CARD10: variants seen among roughly 807,000 people sequenced by gnomAD.
The protein encoded by CARD10 is caspase recruitment domain-containing protein 10.
Under a neutral mutation model 114.6 loss-of-function variants are expected in CARD10, and 49 were observed. The ratio of observed to expected loss-of-function variants is 0.43; its 90% CI spans 0.34 to 0.54. The LOEUF (loss-of-function observed/expected upper bound fraction) is 0.54. CARD10 is among the 20% of genes least tolerant of loss of function. CARD10 has a pLI of 0.03. For synonymous variants in CARD10, 602 were observed against 593.2 expected (o/e 1.01, Z -0.21); for missense variants, 1,206 against 1,397.2 (o/e 0.86, Z 2.18).
chr22:37,495,598 A>C lies in CARD10; in HGVS notation c.2304-12T>G. 1 of 1,613,254 alleles carries C rather than the reference A, an allele frequency of 6.2e-7. No individual in the cohort carries two copies. Among genetic ancestry groups the C allele is most frequent in the Non-Finnish European group, 8.5e-7 (1 of 1,179,748 alleles). On this transcript the variant is annotated splice_polypyrimidine_tract_variant and intron_variant, in intron 14 of 19. Coordinates refer to ENST00000251973, the MANE Select transcript of CARD10 (RefSeq NM_014550.4). ...GGAGCTGCTGGGCTCTGTGGGAGGG[A>C]GTGACATCATGTGTGTAGAAAGAAG...
Position 37,491,642 on chromosome 22 carries a change from G to A in CARD10, c.2864+113C>T, listed in dbSNP as rs1375425472. The A allele has an allele frequency of 1.3e-3, 692 of 537,050 alleles. 1 individual carries two copies. Among genetic ancestry groups the A allele is most frequent in the Middle Eastern group, 1.8e-3 (4 of 2,164 alleles). 33.3% of individuals were successfully genotyped at this position (537,050 alleles called of 1,614,324 possible). A position where few individuals can be genotyped will look rare whatever the true frequency, so the allele number is the denominator to read the frequency against. ...AGGGAGAGAGGGGGAAGGAGAGAGA[G>A]GGGGAGGGAGAAAGAGGGGGAGGGA... On this transcript the variant is annotated intron_variant, in intron 19 of 19. Coordinates refer to ENST00000251973, the MANE Select transcript of CARD10 (RefSeq NM_014550.4).
In CARD10 at chr22:37,509,584, C is replaced by G. The variant is rs77685373; in HGVS notation, c.909+628G>C. On this transcript the variant is annotated intron_variant, in intron 4 of 19. Coordinates refer to ENST00000251973, the MANE Select transcript of CARD10 (RefSeq NM_014550.4). Reference sequence around the variant, plus strand: ...GTTTTCCGGGTCTGACCCCCACCCCCACTCCATGTCCACGAGCCCTGGCCC... The same window carrying G: ...GTTTTCCGGGTCTGACCCCCACCCCGACTCCATGTCCACGAGCCCTGGCCC... 6.0e-3 allele frequency among the ~76,000 whole-genome samples: 914 copies of G among 152,118 alleles called. 4 individuals carry two copies. Among genetic ancestry groups the G allele is most frequent in the Middle Eastern group, 0.017 (5 of 294 alleles).
chr22:37,499,280 G>A (rs560426402), intron 11 of CARD10, among the ~76,000 whole-genome samples: 14 of 151,918 alleles, frequency 9.2e-5, no homozygotes, highest in African/African-American at 3.4e-4. Flanking sequence ...CTGGCTACTC[G>A]CTGAGTTTAG....
In CARD10 at chr22:37,513,150, G is replaced by A. The variant is rs201667057; in HGVS notation, c.700-2729C>T. Among the ~76,000 whole-genome samples the A allele has an allele frequency of 7.7e-4, 117 of 151,990 alleles. 1 individual carries two copies. The East Asian group carries it at 9.7e-3, about 13-fold the overall frequency. ...TTTTGAGACAGAGTCTCGCTGTGTC[G>A]CCCAAGCTGGAGTGCAGTGGCTCAA... On this transcript the variant is annotated intron_variant, in intron 3 of 19. Transcript: ENST00000251973.
intron 4 of CARD10, chr22:37,508,950 C>G (rs932326): frequency 0.54 from 829,599 of 1,525,844 alleles, 229,253 homozygotes; most frequent in African/African-American, 0.82. Flanking sequence ...GACAAGTTCA[C>G]CCAGGATTAT....
chr22:37,496,731 G>A lies in CARD10; in HGVS notation c.1948-171C>T, dbSNP rs1443772184. 9.3e-6 allele frequency: 6 copies of A among 641,980 alleles called. No individual in the cohort carries two copies. The highest frequency in any genetic ancestry group is 1.9e-5 in the South Asian group (1 of 53,806). 39.8% of individuals were successfully genotyped at this position (641,980 alleles called of 1,614,324 possible). On this transcript the variant is annotated intron_variant, in intron 12 of 19. Transcript: ENST00000251973. The surrounding 1 kb of genome is among the most constrained non-coding windows in gnomAD (Gnocchi z 4.1). ...TCAGACCCGTCCCCATCCACAGGAC[G>A]CCCCCATCCACAGGACTCCCCAACC... is the stretch of plus-strand genomic sequence containing the variant.
rs1052840946 is a variant in CARD10, at chr22:37,490,983, G to T, written c.*176C>A. 6.7e-6 allele frequency: 4 copies of T among 597,116 alleles called. No homozygotes were observed. The highest frequency in any genetic ancestry group is 1.2e-5 in the Non-Finnish European group (4 of 337,582). 37.0% of individuals were successfully genotyped at this position (597,116 alleles called of 1,614,324 possible). A position where few individuals can be genotyped will look rare whatever the true frequency, so the allele number is the denominator to read the frequency against. On this transcript the variant is annotated 3_prime_UTR_variant, in exon 20 of 20. Coordinates refer to ENST00000251973, the MANE Select transcript of CARD10 (RefSeq NM_014550.4). ...GAGGGGAGTGGGCACTCTGTCCCGG[G>T]ACTCCCATAGGCTCGGCAGGGCCAG...
rs1376178288 is a variant in CARD10, at chr22:37,491,157, C to A, written c.*2G>T. ...GGAGAAGGTGCAGGTATCAGATGAG[C>A]CTCAGGCCTCACTGCTGCTGGGGCA... On this transcript the variant is annotated 3_prime_UTR_variant, in exon 20 of 20. Coordinates refer to ENST00000251973, the MANE Select transcript of CARD10 (RefSeq NM_014550.4). 1.3e-6 allele frequency: 2 copies of A among 1,551,552 alleles called. No homozygotes were observed. Among genetic ancestry groups the A allele is most frequent in the Non-Finnish European group, 8.7e-7 (1 of 1,148,166 alleles).
chr22:37,504,906 A>G (rs1055714874), intron 7 of CARD10, 137 bp from the exon 8 acceptor site: 18 of 441,398 alleles, frequency 4.1e-5, no homozygotes, highest in African/African-American at 3.7e-4. Flanking sequence ...AGAATGGGAG[A>G]TAAACTGTAA....
intron 3 of CARD10, among the ~76,000 whole-genome samples, chr22:37,513,861 G>A (rs1037643226): frequency 6.6e-6 from 1 of 152,112 alleles, no homozygotes; most frequent in African/African-American, 2.4e-5. Context: ...CACTTTGGGA[G>A]GCTGAGGCGG....
rs200284070 is a variant in CARD10, at chr22:37,494,140, C to T, written c.2422G>A (p.Val808Met). ...DQLRLVRPKP[V>M]GAPAGDSPDQ... ...GGGGAGTCCCCTGCAGGCGCCCCCA[C>T]GGGCTTGGGCCTCACCAGCCGCAGC... The change falls in exon 16 of 20, where the codon GTG becomes ATG. Residue 808 changes from valine to methionine, a missense_variant. By Grantham distance (21) the Val-to-Met change is conservative. Around this residue, in one of 2 missense-constraint regions of CARD10, gnomAD observed 1,068 missense variants for 1,179.1 expected, o/e 0.91. Coordinates refer to ENST00000251973, the MANE Select transcript of CARD10 (RefSeq NM_014550.4). 591 of 1,559,776 alleles carry T rather than the reference C, an allele frequency of 3.8e-4. 3 individuals are homozygous for T. In the South Asian group the frequency reaches 4.1e-3, roughly 11 times the overall value.
Position 37,496,838 on chromosome 22 carries a change from C to G in CARD10, c.1947+181G>C. The G allele has an allele frequency of 3.9e-6, 3 of 765,552 alleles. No homozygotes were observed. The highest frequency in any genetic ancestry group is 6.4e-6 in the Non-Finnish European group (3 of 470,568). 47.4% of individuals were successfully genotyped at this position (765,552 alleles called of 1,614,324 possible). On this transcript the variant is annotated intron_variant, in intron 12 of 19. Coordinates refer to ENST00000251973, the MANE Select transcript of CARD10 (RefSeq NM_014550.4). This position sits in a 1 kb window ranked among gnomAD's most constrained non-coding sequence, Gnocchi z 4.1. ...AGTTGGCTCCACCTCCCAGTCCCTG[C>G]CCAATCAGACTTCAATTAAGCCTGG...
In CARD10 at chr22:37,491,266, C is replaced by T; in HGVS notation, c.2992G>A (p.Glu998Lys). The T allele has an allele frequency of 6.4e-7, 1 of 1,569,166 alleles. No homozygotes were observed. The highest frequency in any genetic ancestry group is 1.3e-5 in the African/African-American group (1 of 74,384). The change falls in exon 20 of 20, where the codon GAG becomes AAG. Residue 998 changes from glutamate to lysine, a missense_variant. This residue lies in a region of CARD10 where 1,068 missense variants were observed against 1,179.1 expected (regional missense o/e 0.91). Transcript: ENST00000251973. ...CCGCGCACCACCTTGGCCAGCTCCT[C>T]TGCGTGTCCCCACTCATGGGCGGGC... is the stretch of plus-strand genomic sequence containing the variant. ...QVPAHEWGHA[E>K]ELAKVVRGRI...
At chr22:37,502,806 T>C (rs1001988498) in intron 10 of CARD10, 81 bp from the exon 11 acceptor site, 5 of 1,499,562 alleles carry the variant, frequency 3.3e-6, no homozygotes, top group Non-Finnish European at 4.5e-6. Flanking sequence ...CTGACCCCCC[T>C]CCAGCCCAGA....
intron 11 of CARD10, among the ~76,000 whole-genome samples, chr22:37,500,916 A>C (rs1024201828): frequency 2.0e-5 from 3 of 152,140 alleles, no homozygotes; most frequent in Middle Eastern, 3.2e-3. Flanking sequence ...TAGTGACCCT[A>C]AGGGACAGGC....
chr22:37,494,369 C>A, intron 15 of CARD10, 181 bp from the exon 16 acceptor site: 1 of 599,216 alleles, frequency 1.7e-6, no homozygotes, highest in Non-Finnish European at 3.0e-6. Context: ...CTCCCCAGCC[C>A]AGCACAGTCC....
Position 37,496,932 on chromosome 22 carries a change from G to A in CARD10, c.1947+87C>T, listed in dbSNP as rs149096784. The A allele has an allele frequency of 6.5e-5, 93 of 1,429,510 alleles. No individual in the cohort carries two copies. The African/African-American group carries it at 8.0e-4, about 12-fold the overall frequency. The allele number at this position is 1,429,510 out of a possible 1,614,324, so 88.6% of individuals were successfully genotyped here. Reference sequence around the variant, plus strand: ...TGACCAATCCCCAGAAGCTCTGCCCGGTGATCTTGATCCACCAAATTAAGG... The same window carrying A: ...TGACCAATCCCCAGAAGCTCTGCCCAGTGATCTTGATCCACCAAATTAAGG... On this transcript the variant is annotated intron_variant, in intron 12 of 19. Transcript: ENST00000251973. This position sits in a 1 kb window ranked among gnomAD's most constrained non-coding sequence, Gnocchi z 4.1.
intron 16 of CARD10, among the ~76,000 whole-genome samples, chr22:37,493,878 C>A (rs1922895994): frequency 6.6e-6 from 1 of 152,230 alleles, no homozygotes; most frequent in Non-Finnish European, 1.5e-5. Context: ...TGCACCTCCC[C>A]GCAGGGTCTC....
intron 15 of CARD10, among the ~76,000 whole-genome samples, chr22:37,494,969 GT>G (rs11330766): frequency 0.062 from 9,043 of 146,920 alleles, 696 homozygotes; most frequent in African/African-American, 0.19. Flanking sequence ...TGTTTTTTTT[GT>G]TTTTTTTTTT....
Sources: allele counts gnomAD v4.1 joint callset (sites outside exome capture counted in the v4.1 genomes callset), GRCh38; gene constraint gnomAD v4.1.1; regional missense constraint gnomAD v4.1.1; non-coding constraint Gnocchi (gnomAD v3.1); transcripts MANE v1.5; gene names NCBI Gene and HGNC (gene_info 2026-07-23, HGNC 2026-07-21).